Variants in SLC2A2 observed in about 807,000 individuals in gnomAD.
SLC2A2 encodes solute carrier family 2 member 2, also known as solute carrier family 2, facilitated glucose transporter member 2.
SLC2A2 carries 36 observed loss-of-function variants against 54.5 expected under a neutral mutation model. The observed-to-expected ratio is 0.66, with a 90% CI of 0.51 to 0.87. The LOEUF (loss-of-function observed/expected upper bound fraction) is 0.87, where lower values mean the gene tolerates loss of function less well. Among genes scored for constraint, SLC2A2 ranks in the 40% least tolerant of loss-of-function variants. The pLI, the probability that SLC2A2 is intolerant of heterozygous loss-of-function variation, is 0.00. For synonymous variants in SLC2A2, 223 were observed against 219.1 expected, an observed-to-expected ratio of 1.02 and a Z score of -0.16; for missense variants, 543 against 624.3, an observed-to-expected ratio of 0.87 and a Z score of 1.39.
intron 2 of SLC2A2, among the ~76,000 whole-genome samples, chr3:171,015,369 G>C (rs1468945589): frequency 1.3e-5 from 2 of 152,070 alleles, no homozygotes; most frequent in Non-Finnish European, 2.9e-5. Context: ...ACTTGGAGGG[G>C]GCTGAAGCGG....
chr3:171,005,921 G>GA, intron 6 of SLC2A2, 22 bp downstream of exon 6: 2 of 1,608,792 alleles, frequency 1.2e-6, no homozygotes, highest in South Asian at 2.2e-5. Context: ...TAGGAAGAAA[G>GA]AAAAACCATC....
In SLC2A2 at chr3:170,999,107, C is replaced by T. The variant is rs758699271; in HGVS notation, c.1128G>A (p.Met376Ile). ...RSLFLIGMSGMFVCAIFMSVG... is the reference protein window; with the variant it reads ...RSLFLIGMSGIFVCAIFMSVG... ...CTGACATGAAGATGGCACAAACAAA[C>T]ATCCCACTCATTCCAATTAGAAAGA... The change falls in exon 9 of 11, where the codon ATG (methionine) becomes ATA (isoleucine). Residue 376 changes from methionine (M) to isoleucine (I), a missense_variant. Met to Ile is a conservative substitution (Grantham distance 10). Transcript: ENST00000314251. 3.7e-6 allele frequency: 6 copies of T among 1,613,162 alleles called. No individual in the cohort carries two copies. The Admixed American group carries it at 1.0e-4, about 27-fold the overall frequency.
intron 3 of SLC2A2, among the ~76,000 whole-genome samples, chr3:171,012,200 ATTTG>A (rs1338752187): frequency 6.6e-6 from 1 of 152,040 alleles, no homozygotes; most frequent in African/African-American, 2.4e-5. Flanking sequence ...AACCTTTTAT[ATTTG>A]TTGTCATTAA....
intron 6 of SLC2A2, 126 bp downstream of exon 6, chr3:171,005,817 T>G: frequency 1.1e-6 from 1 of 932,062 alleles, no homozygotes; most frequent in Non-Finnish European, 1.7e-6. Context: ...CATGCACCAG[T>G]CATATAAAAG....
At chr3:171,006,352 A>G (rs1715603933) in intron 5 of SLC2A2, among the ~76,000 whole-genome samples, 2 of 151,984 alleles carry the variant, frequency 1.3e-5, no homozygotes, top group South Asian at 4.1e-4. Context: ...TATATAAGGA[A>G]TTACCCTAGG....
chr3:171,024,291 T>C (rs1349891920), intron 1 of SLC2A2, among the ~76,000 whole-genome samples: 1 of 152,210 alleles, frequency 6.6e-6, no homozygotes, highest in Non-Finnish European at 1.5e-5. Flanking sequence ...ATGTGTCAAC[T>C]TTTCATACTT....
chr3:171,014,350 G>T, intron 3 of SLC2A2, 119 bp downstream of exon 3: 1 of 1,112,278 alleles, frequency 9.0e-7, no homozygotes, highest in Non-Finnish European at 1.3e-6. Context: ...AGGGTCATGA[G>T]TTGAAAAAAC....
Position 170,998,044 on chromosome 3 carries a change from C to T in SLC2A2, c.1434G>A (p.Leu478=). ...LFAGVLLAFT[L]FTFFKVPETK... is the part of the protein sequence containing the mutation. ...TTTCTGGAACTTTAAAAAATGTGAA[C>T]AGGGTAAAGGCCAGGAGCACTCCAG... Residue 478 remains leucine, a synonymous_variant, in exon 11 of 11, where the codon CTG becomes CTA. Transcript: ENST00000314251. 1 of 1,613,620 alleles carries T rather than the reference C, an allele frequency of 6.2e-7. No individual in the cohort carries two copies. Among genetic ancestry groups the T allele is most frequent in the Non-Finnish European group, 8.5e-7 (1 of 1,179,796 alleles).
chr3:171,008,072 A>G (rs1715693386), intron 4 of SLC2A2, among the ~76,000 whole-genome samples: 1 of 152,108 alleles, frequency 6.6e-6, no homozygotes, highest in South Asian at 2.1e-4. Context: ...TTCAGAGACT[A>G]TCGACAGGCA....
rs1172332153 is a variant in SLC2A2, at chr3:171,022,114, ACATTC to A, written c.16-3496_16-3492del. 2.2e-3 allele frequency among the ~76,000 whole-genome samples: 331 copies of A among 152,326 alleles called. 1 individual carries two copies. Among genetic ancestry groups the A allele is most frequent in the Non-Finnish European group, 3.7e-3 (253 of 68,010 alleles). On this transcript the variant is annotated intron_variant, in intron 1 of 10. Coordinates refer to ENST00000314251, the MANE Select transcript of SLC2A2 (RefSeq NM_000340.2). ...TTGGAGGACGATTATTCTGTCTACC[ACATTC>A]TTCATGGCAGCACCATTAATGTCCC...
chr3:171,005,297 G>A lies in SLC2A2; in HGVS notation c.951C>T (p.Ser317=), dbSNP rs1168244945. 8.1e-6 allele frequency: 13 copies of A among 1,612,576 alleles called. No individual in the cohort carries two copies. Among genetic ancestry groups the A allele is most frequent in the Admixed American group, 5.0e-5 (3 of 59,854 alleles). ...ALMLHVAQQF[S]GINGIFYYST... ...TTCTTAAACTTACGCCATTGATTCC[G>A]GAAAATTGCTGAGCCACATGCAGCA... The change falls in exon 7 of 11, where the codon TCC becomes TCT. Residue 317 remains serine, a synonymous_variant. Coordinates refer to ENST00000314251, the MANE Select transcript of SLC2A2 (RefSeq NM_000340.2).
intron 10 of SLC2A2, 27 bp from the exon 11 acceptor site, chr3:170,998,130 G>GA (rs1260338380): frequency 1.1e-5 from 18 of 1,613,216 alleles, no homozygotes; most frequent in Non-Finnish European, 1.4e-5. Flanking sequence ...CACAGACTTT[G>GA]AGTTAGCAGT....
At position 171,010,039 on chromosome 3, in the gene SLC2A2, C is replaced by T; in HGVS notation, c.415G>A (p.Ala139Thr). 4 of 1,612,358 alleles carry T rather than the reference C, an allele frequency of 2.5e-6. No individual in the cohort carries two copies. The highest frequency in any genetic ancestry group is 3.4e-6 in the Non-Finnish European group (4 of 1,178,976). Residue 139 changes from alanine to threonine, a missense_variant, in exon 4 of 11, where the codon GCT becomes ACT. Coordinates refer to ENST00000314251, the MANE Select transcript of SLC2A2 (RefSeq NM_000340.2). The stretch of plus-strand genomic sequence containing the variant: ...AATTTTGAAAACCCCATCAAGAGAG[C>T]TCCAACTAATGACAGAATGTTTGCT... ...LVANILSLVG[A>T]LLMGFSKLGP...
rs749002005 is a variant in SLC2A2 at position 171,005,479 on chromosome 3, A to G, written c.776-7T>C. ...CCTCTGAGTCTTTTCAAGCCTGTCC[A>G]AGAAAATGATCAGGTTGAAACAACT... On this transcript the variant is annotated splice_polypyrimidine_tract_variant and splice_region_variant and intron_variant, in intron 6 of 10. Coordinates refer to ENST00000314251, the MANE Select transcript of SLC2A2 (RefSeq NM_000340.2). 6.2e-7 allele frequency: 1 copy of G among 1,610,406 alleles called. No homozygotes were observed. The highest frequency in any genetic ancestry group is 8.5e-7 in the Non-Finnish European group (1 of 1,177,648).
At chr3:171,014,860 G>A in intron 2 of SLC2A2, 129 bp from the exon 3 acceptor site, 3 of 735,646 alleles carry the variant, frequency 4.1e-6, no homozygotes, top group South Asian at 3.5e-5. Flanking sequence ...ATATAAACAT[G>A]GATAGATTTG....
rs1460390426 is a variant in SLC2A2 at position 171,015,737 on chromosome 3, G to T, written c.109-1006C>A. On this transcript the variant is annotated intron_variant, in intron 2 of 10. Coordinates refer to ENST00000314251, the MANE Select transcript of SLC2A2 (RefSeq NM_000340.2). The stretch of plus-strand genomic sequence containing the variant: ...CCAGGGCAGAGAGGAAAACAACCGG[G>T]TATATTATTGATGAATTCCTAAGAT... Among the ~76,000 whole-genome samples, 5 of 152,076 alleles carry T rather than the reference G, an allele frequency of 3.3e-5. No individual in the cohort carries two copies. In the East Asian group the frequency reaches 7.7e-4, roughly 23 times the overall value.
chr3:171,015,603 G>A (rs1716114440), intron 2 of SLC2A2, among the ~76,000 whole-genome samples: 2 of 152,138 alleles, frequency 1.3e-5, no homozygotes. Flanking sequence ...AAAAGACTGG[G>A]AAAGTTAAGA....
rs1715164620 is a variant in SLC2A2, at chr3:170,998,021, T to C, written c.1457A>G (p.Glu486Gly). ...FTLFTFFKVP[E>G]TKGKSFEEIA... ...TTCCTCAAAAGACTTTCCTTTGGTT[T>C]CTGGAACTTTAAAAAATGTGAACAG... Residue 486 changes from glutamate to glycine, a missense_variant, in exon 11 of 11, where the codon GAA (glutamate) becomes GGA (glycine). Glu to Gly is a moderately conservative substitution (Grantham distance 98, BLOSUM62 -2). Transcript: ENST00000314251. 6.2e-7 allele frequency: 1 copy of C among 1,613,642 alleles called. No homozygotes were observed. The highest frequency in any genetic ancestry group is 1.7e-5 in the Admixed American group (1 of 59,878).
chr3:171,003,442 G>A (rs66733022), intron 7 of SLC2A2, among the ~76,000 whole-genome samples: 2 of 146,178 alleles, frequency 1.4e-5, no homozygotes, highest in East Asian at 2.0e-4. Flanking sequence ...AGTTTTTTTT[G>A]GGGGGGAGGG....
Sources: gnomAD v4.1 joint callset for allele counts (sites outside exome capture counted in the v4.1 genomes callset) on GRCh38, gnomAD v4.1.1 for gene constraint, MANE v1.5 for transcripts, NCBI Gene and HGNC (gene_info 2026-07-23, HGNC 2026-07-21) for gene names.